CDH23: variants seen among roughly 807,000 people sequenced by gnomAD.
CDH23 encodes the protein cadherin related 23, also known as cadherin-23.
A neutral mutation model predicts 317.1 loss-of-function variants in CDH23; 189 were observed. That is an observed-to-expected ratio of 0.60 (90% CI 0.53 to 0.67). The LOEUF (loss-of-function observed/expected upper bound fraction) is 0.67. CDH23 is among the 30% of genes least tolerant of loss of function. The probability of loss-of-function intolerance (pLI) is 0.00; values close to 1 mark genes in which losing one functional copy is unlikely to be tolerated. For synonymous variants in CDH23, 1,839 were observed against 1,876.8 expected (o/e 0.98, Z 0.52); for missense variants, 4,401 against 4,592.4 (o/e 0.96, Z 1.20).
chr10:71,481,991 C>T lies in CDH23; in HGVS notation c.146-28091C>T, dbSNP rs557086671. Among the ~76,000 whole-genome samples, 59 of 152,244 alleles carry T rather than the reference C, an allele frequency of 3.9e-4. 1 individual carries two copies. Among genetic ancestry groups the T allele is most frequent in the African/African-American group, 6.0e-4 (25 of 41,546 alleles). ...AAAGGGTGGGGGGAGTCGGGGCTGG[C>T]GTGAGTGTGAGTCCTCTTCCCACCC... On this transcript the variant is annotated intron_variant, in intron 3 of 69. Coordinates refer to ENST00000224721, the MANE Select transcript of CDH23 (RefSeq NM_022124.6).
intron 6 of CDH23, among the ~76,000 whole-genome samples, chr10:71,543,457 T>C (rs926234133): frequency 2.6e-5 from 4 of 152,192 alleles, no homozygotes; most frequent in Non-Finnish European, 4.4e-5. Context: ...ACAGCATGTT[T>C]ATTAGGGTCC....
chr10:71,666,106 C>T (rs1863880449), intron 14 of CDH23, among the ~76,000 whole-genome samples: 1 of 152,100 alleles, frequency 6.6e-6, no homozygotes, highest in African/African-American at 2.4e-5. Flanking sequence ...CCTTTCTCTG[C>T]AGGCCTCACC....
chr10:71,434,220 A>G (rs1348109351), intron 1 of CDH23, among the ~76,000 whole-genome samples: 1 of 152,130 alleles, frequency 6.6e-6, no homozygotes, highest in Admixed American at 6.5e-5. Flanking sequence ...TCACCTCCCC[A>G]GTGACCCTCA....
chr10:71,694,694 A>T (rs925049660), intron 21 of CDH23, among the ~76,000 whole-genome samples: 3 of 152,080 alleles, frequency 2.0e-5, no homozygotes, highest in Non-Finnish European at 1.5e-5. Context: ...CAGAGAGTAG[A>T]AAGCTAGAGG....
At chr10:71,604,133 A>G (rs1249794137) in intron 9 of CDH23, among the ~76,000 whole-genome samples, 1 of 152,018 alleles carries the variant, frequency 6.6e-6, no homozygotes, top group Non-Finnish European at 1.5e-5. Context: ...ATAATAATGG[A>G]AGGCCAGGCA....
At chr10:71,403,326 CCTTTCTTTCTTT>C (rs201389920) in intron 1 of CDH23, among the ~76,000 whole-genome samples, 1,819 of 60,192 alleles carry the variant, frequency 0.03, 71 homozygotes, top group Middle Eastern at 0.042. Flanking sequence ...TTCCTTCCTT[CCTTTCTTTCTTT>C]CTTTCTTTCT....
chr10:71,812,689 GTTCT>G (rs1053885528), intron 67 of CDH23, 75 bp from the exon 68 acceptor site: 65 of 1,611,924 alleles, frequency 4.0e-5, no homozygotes, highest in Admixed American at 6.7e-5. Context: ...AAGAAGCTGG[GTTCT>G]TTAAGGGGTG....
In CDH23 at chr10:71,751,975, G is replaced by C; in HGVS notation, c.4845+10054G>C. Reference sequence around the variant, plus strand: ...CTCTCACCTACATCCCCATCCCCAAGCCTCAGCAGCATCTCCAAGCAAGAA... The same window carrying C: ...CTCTCACCTACATCCCCATCCCCAACCCTCAGCAGCATCTCCAAGCAAGAA... On this transcript the variant is annotated intron_variant, in intron 38 of 69. Coordinates refer to ENST00000224721, the MANE Select transcript of CDH23 (RefSeq NM_022124.6). The surrounding 1 kb of genome is among the most constrained non-coding windows in gnomAD (Gnocchi z 4.9). 8.7e-7 allele frequency: 1 copy of C among 1,146,756 alleles called. No homozygotes were observed. The highest frequency in any genetic ancestry group is 1.3e-6 in the Non-Finnish European group (1 of 793,696). The allele number at this position is 1,146,756 out of a possible 1,614,324, so 71.0% of individuals were successfully genotyped here.
chr10:71,744,931 A>G lies in CDH23; in HGVS notation c.4845+3010A>G, dbSNP rs983507476. Among the ~76,000 whole-genome samples the G allele has an allele frequency of 2.0e-5, 3 of 152,282 alleles. No homozygotes were observed. The East Asian group carries it at 5.8e-4, about 29-fold the overall frequency. On this transcript the variant is annotated intron_variant, in intron 38 of 69. Transcript: ENST00000224721. Reference sequence around the variant, plus strand: ...GTCGAAAAGAATCCATCCATCTTCAATTTTTCCCCCTGCTTCTCCAAGTTG... The same window carrying G: ...GTCGAAAAGAATCCATCCATCTTCAGTTTTTCCCCCTGCTTCTCCAAGTTG...
At chr10:71,692,873 C>T (rs1865237893) in intron 20 of CDH23, among the ~76,000 whole-genome samples, 1 of 152,184 alleles carries the variant, frequency 6.6e-6, no homozygotes, top group Non-Finnish European at 1.5e-5. Flanking sequence ...TGCTCACGGT[C>T]CATTGGAAGA....
At chr10:71,475,061 A>G (rs886566210) in intron 3 of CDH23, among the ~76,000 whole-genome samples, 3 of 152,112 alleles carry the variant, frequency 2.0e-5, no homozygotes, top group African/African-American at 7.2e-5. Flanking sequence ...AATGGTGACT[A>G]TTTGCCCCTC....
intron 14 of CDH23, among the ~76,000 whole-genome samples, chr10:71,650,805 G>A (rs1024270369): frequency 6.6e-6 from 1 of 152,222 alleles, no homozygotes; most frequent in Non-Finnish European, 1.5e-5. Flanking sequence ...CAGATGAGAA[G>A]GCCAGGGAGT....
chr10:71,707,238 C>T, intron 26 of CDH23, 189 bp downstream of exon 26: 1 of 1,472,426 alleles, frequency 6.8e-7, no homozygotes. Context: ...GGCTTTGCAG[C>T]TGGATCACTC....
intron 1 of CDH23, among the ~76,000 whole-genome samples, chr10:71,401,847 T>C (rs1208046791): frequency 6.6e-6 from 1 of 152,216 alleles, no homozygotes; most frequent in African/African-American, 2.4e-5. Context: ...CAGTGGTGAA[T>C]GATCATTTTT....
chr10:71,568,037 A>G lies in CDH23; in HGVS notation c.624+1101A>G, dbSNP rs143039126. On this transcript the variant is annotated intron_variant, in intron 7 of 69. Coordinates refer to ENST00000224721, the MANE Select transcript of CDH23 (RefSeq NM_022124.6). ...GCTCTGGATCTGGACTGGGTCCAGA[A>G]TCCAGTTTTGAAAGATGGGGTGCCC... Among the ~76,000 whole-genome samples, 999 of 152,326 alleles carry G rather than the reference A, an allele frequency of 6.6e-3. 37 individuals are homozygous for G. Among genetic ancestry groups the G allele is most frequent in the Admixed American group, 0.058 (893 of 15,306 alleles).
Position 71,590,892 on chromosome 10 carries a change from A to C in CDH23, c.832+12900A>C, listed in dbSNP as rs958930807. Among the ~76,000 whole-genome samples, 17 of 142,800 alleles carry C rather than the reference A, an allele frequency of 1.2e-4. 2 individuals are homozygous for C. The highest frequency in any genetic ancestry group is 4.3e-4 in the African/African-American group (17 of 39,376). The allele number at this position is 142,800 out of a possible 152,430, so 93.7% of individuals were successfully genotyped here. A position where few individuals can be genotyped will look rare whatever the true frequency, so the allele number is the denominator to read the frequency against. On this transcript the variant is annotated intron_variant, in intron 9 of 69. Transcript: ENST00000224721. ...TGTCTCTAAAAAAAAAAAAACAAAAAAAAACAAAAAAAAACACCAGTCTCT... is the reference window on the plus strand; with the variant it reads ...TGTCTCTAAAAAAAAAAAAACAAAACAAAACAAAAAAAAACACCAGTCTCT...
intron 38 of CDH23, among the ~76,000 whole-genome samples, chr10:71,772,177 T>C (rs1346011608): frequency 1.3e-5 from 2 of 152,182 alleles, no homozygotes; most frequent in Non-Finnish European, 2.9e-5. Flanking sequence ...GGAGCCCTCC[T>C]CCTCCTCAGA....
chr10:71,419,941 G>A (rs1848677740), intron 1 of CDH23, among the ~76,000 whole-genome samples: 2 of 152,204 alleles, frequency 1.3e-5, no homozygotes, highest in Non-Finnish European at 2.9e-5. Context: ...GTGAGGCTGA[G>A]CATGTCTCTC....
chr10:71,674,929 C>T (rs970748862), intron 14 of CDH23, among the ~76,000 whole-genome samples, 183 bp from the exon 15 acceptor site: 3 of 152,198 alleles, frequency 2.0e-5, no homozygotes, highest in African/African-American at 7.2e-5. Flanking sequence ...TTCTGTCCCA[C>T]TCTGCTTCTG....
Sources: gnomAD v4.1 joint callset for allele counts (sites outside exome capture counted in the v4.1 genomes callset) on GRCh38, gnomAD v4.1.1 for gene constraint, Gnocchi (gnomAD v3.1) non-coding constraint, MANE v1.5 for transcripts, NCBI Gene and HGNC (gene_info 2026-07-23, HGNC 2026-07-21) for gene names.